ACYP2: variants seen among roughly 807,000 people sequenced by gnomAD.
ACYP2 encodes acylphosphatase-2.
ACYP2 carries 12 observed loss-of-function variants against 11.2 expected under a neutral mutation model. That is an observed-to-expected ratio of 1.08 (90% CI 0.69 to 1.74). The LOEUF is 1.74. Ranked by LOEUF, ACYP2 falls within the 40% of genes most tolerant of loss-of-function variation. ACYP2 has a pLI of 0.00. For synonymous variants in ACYP2, 43 were observed against 32.2 expected (o/e 1.33, Z -1.13); for missense variants, 134 against 101.9 (o/e 1.31, Z -1.35).
At chr2:54,044,745 C>A (rs1277488057) in intron 2 of ACYP2, among the ~76,000 whole-genome samples, 2 of 152,064 alleles carry the variant, frequency 1.3e-5, no homozygotes, top group African/African-American at 4.8e-5. Context: ...ATGACACCAC[C>A]ATTTTTTTTT....
intron 6 of ACYP2, among the ~76,000 whole-genome samples, chr2:54,194,511 T>C (rs1684373442): frequency 6.6e-6 from 1 of 152,204 alleles, no homozygotes; most frequent in Non-Finnish European, 1.5e-5. Flanking sequence ...AAATCTTGAG[T>C]GCACTCATTG....
chr2:54,249,501 C>G (rs932120719), intron 6 of ACYP2, among the ~76,000 whole-genome samples: 7 of 151,196 alleles, frequency 4.6e-5, no homozygotes, highest in Non-Finnish European at 8.8e-5. Flanking sequence ...CCGTCATTTA[C>G]ATGCTCTGGC....
chr2:54,218,650 C>T (rs1021435551), intron 6 of ACYP2, among the ~76,000 whole-genome samples: 1 of 151,852 alleles, frequency 6.6e-6, no homozygotes, highest in African/African-American at 2.4e-5. Flanking sequence ...TTTTTCCTTT[C>T]AAATAACAAG....
At chr2:54,098,992 G>A (rs1678742256) in intron 4 of ACYP2, among the ~76,000 whole-genome samples, 1 of 152,156 alleles carries the variant, frequency 6.6e-6, no homozygotes, top group Non-Finnish European at 1.5e-5. Context: ...GCCTCCCAAA[G>A]CACTGGGATT....
At chr2:54,060,899 T>G (rs1370924627) in intron 4 of ACYP2, among the ~76,000 whole-genome samples, 1 of 152,222 alleles carries the variant, frequency 6.6e-6, no homozygotes. Context: ...ATACTTGTTT[T>G]TTTTTGTCTG....
chr2:54,130,838 A>G (rs1680858748), intron 4 of ACYP2, among the ~76,000 whole-genome samples: 1 of 152,018 alleles, frequency 6.6e-6, no homozygotes, highest in Admixed American at 6.6e-5. Context: ...GTAATGTTCT[A>G]CTCTCATCAT....
At chr2:54,250,684 C>CT (rs1396887563) in intron 6 of ACYP2, among the ~76,000 whole-genome samples, 1 of 152,130 alleles carries the variant, frequency 6.6e-6, no homozygotes, top group African/African-American at 2.4e-5. Flanking sequence ...TTTTTATACT[C>CT]TACTCTTTAT....
chr2:54,291,091 T>C (rs1178464267), intron 6 of ACYP2, among the ~76,000 whole-genome samples: 1 of 152,154 alleles, frequency 6.6e-6, no homozygotes, highest in East Asian at 1.9e-4. Flanking sequence ...CCCCCACCAC[T>C]TCACTGAAGC....
chr2:54,117,470 A>T (rs560880539), intron 4 of ACYP2, among the ~76,000 whole-genome samples: 127 of 152,086 alleles, frequency 8.4e-4, no homozygotes, highest in Non-Finnish European at 3.4e-4. Flanking sequence ...AATTTTTAAA[A>T]TTTTTTTGTA....
chr2:54,292,001 C>A (rs1689329084), intron 6 of ACYP2, among the ~76,000 whole-genome samples: 1 of 152,144 alleles, frequency 6.6e-6, no homozygotes, highest in South Asian at 2.1e-4. Flanking sequence ...TTATTTGCAG[C>A]AAACTATAGA....
At position 53,989,105 on chromosome 2, in the gene ACYP2, G is replaced by A. The variant is rs569416736; in HGVS notation, c.62+15295G>A. Among the ~76,000 whole-genome samples the A allele has an allele frequency of 3.3e-5, 5 of 151,952 alleles. No individual in the cohort carries two copies. In the South Asian group the frequency reaches 1.0e-3, roughly 32 times the overall value. The stretch of plus-strand genomic sequence containing the variant: ...GCCACCAAGAGTCCAGTCCCAGTAG[G>A]AATATTCCAAACCCAGTCATTTCTT... On this transcript the variant is annotated intron_variant, in intron 2 of 6. Coordinates refer to ENST00000607452, the MANE Select transcript of ACYP2 (RefSeq NM_001320586.2).
At chr2:54,018,775 T>A (rs963206685) in intron 2 of ACYP2, among the ~76,000 whole-genome samples, 1 of 152,014 alleles carries the variant, frequency 6.6e-6, no homozygotes, top group African/African-American at 2.4e-5. Context: ...TTAGACAGAG[T>A]CTTACTCTGT....
At chr2:53,978,343 A>G (rs778826909) in intron 2 of ACYP2, among the ~76,000 whole-genome samples, 5 of 152,184 alleles carry the variant, frequency 3.3e-5, no homozygotes, top group African/African-American at 4.8e-5. Flanking sequence ...GTGGATGATT[A>G]AGAGCTTTCT....
intron 2 of ACYP2, among the ~76,000 whole-genome samples, chr2:54,018,183 A>C (rs1329939125): frequency 6.6e-6 from 1 of 152,190 alleles, no homozygotes; most frequent in Non-Finnish European, 1.5e-5. Flanking sequence ...AGTAGTTCTC[A>C]AACCTAAGTA....
At chr2:54,095,998 C>CA (rs1553370209) in intron 4 of ACYP2, among the ~76,000 whole-genome samples, 1 of 50 alleles carries the variant, frequency 0.02, no homozygotes, top group African/African-American at 0.083. Flanking sequence ...GCTGGCCGGG[C>CA]GGGGGCTGAC....
At chr2:54,127,172 C>G (rs1307472052) in intron 4 of ACYP2, among the ~76,000 whole-genome samples, 3 of 146,436 alleles carry the variant, frequency 2.0e-5, no homozygotes, top group African/African-American at 7.6e-5. Context: ...TGGCACTGCT[C>G]TTTTTGAAAT....
rs57860939 is a variant in ACYP2 at position 54,210,141 on chromosome 2, C to CAAA, written c.404+71418_404+71420dup. ...GGGTGACAAGAATGAGACTGTGTCT[C>CAAA]AAAAAAAAAAAAAAAAAAAAAAAAA... On this transcript the variant is annotated intron_variant, in intron 6 of 6. Coordinates refer to ENST00000607452, the MANE Select transcript of ACYP2 (RefSeq NM_001320586.2). Among the ~76,000 whole-genome samples the CAAA allele has an allele frequency of 9.9e-5, 7 of 70,976 alleles. 1 individual carries two copies. The highest frequency in any genetic ancestry group is 1.2e-4 in the Non-Finnish European group (4 of 33,304). The allele number at this position is 70,976 out of a possible 152,430, so 46.6% of individuals were successfully genotyped here.
intron 2 of ACYP2, chr2:53,973,907 A>ATATTT (rs1558445475): frequency 2.4e-5 from 1 of 41,192 alleles, no homozygotes; most frequent in Non-Finnish European, 4.6e-5. Context: ...GTGTGTATAT[A>ATATTT]TTTTTTTTTT....
chr2:54,161,325 C>T (rs1422538068), intron 6 of ACYP2, among the ~76,000 whole-genome samples: 1 of 152,172 alleles, frequency 6.6e-6, no homozygotes, highest in Non-Finnish European at 1.5e-5. Context: ...GGGCTGGGAC[C>T]CGTGCATCAA....
Sources: allele counts gnomAD v4.1 joint callset (sites outside exome capture counted in the v4.1 genomes callset), GRCh38; gene constraint gnomAD v4.1.1; transcripts MANE v1.5; gene names NCBI Gene and HGNC (gene_info 2026-07-23, HGNC 2026-07-21).